The following LINGO2 variants were observed in gnomAD, a reference collection of about 807,000 sequenced individuals.
LINGO2 encodes leucine rich repeat and Ig domain containing 2, also known as leucine-rich repeat and immunoglobulin-like domain-containing nogo receptor-interacting protein 2.
LINGO2 carries 14 observed loss-of-function variants against 30.6 expected under a neutral mutation model. The ratio of observed to expected loss-of-function variants is 0.46; its 90% CI spans 0.30 to 0.72. LINGO2 has a LOEUF of 0.72. LINGO2 is among the 30% of genes least tolerant of loss of function. The pLI, the probability that LINGO2 is intolerant of heterozygous loss-of-function variation, is 0.07. For synonymous variants in LINGO2, 317 were observed against 288.5 expected (o/e 1.10, Z -1.00); for missense variants, 729 against 751.7 (o/e 0.97, Z 0.35).
rs192226608 is a variant in LINGO2, at chr9:28,411,591, C to G, written c.-278-38723G>C. On this transcript the variant is annotated intron_variant, in intron 2 of 5. Transcript: ENST00000379992. ...TACCTCATATAAGTTGTTGCATAAA[C>G]CATAATTACCTTCCTTTTTGTAGCC... Among the ~76,000 whole-genome samples the G allele has an allele frequency of 4.3e-3, 661 of 152,202 alleles. 22 individuals carry two copies. Among genetic ancestry groups the G allele is most frequent in the Admixed American group, 0.04 (606 of 15,250 alleles).
At chr9:28,861,772 A>C in the LINGO2 span, among the ~76,000 whole-genome samples, 7 of 151,900 alleles carry the variant, frequency 4.6e-5, no homozygotes, top group Non-Finnish European at 7.4e-5. Context: ...TTACCAAAAA[A>C]CACAAAACCT....
At chr9:28,318,054 C>A (rs1333712606) in intron 3 of LINGO2, among the ~76,000 whole-genome samples, 1 of 152,182 alleles carries the variant, frequency 6.6e-6, no homozygotes, top group African/African-American at 2.4e-5. Flanking sequence ...TGAGTTGAAA[C>A]AGGTACCTGG....
At chr9:28,757,489 C>T in the LINGO2 span, among the ~76,000 whole-genome samples, 2 of 151,900 alleles carry the variant, frequency 1.3e-5, no homozygotes, top group Admixed American at 1.3e-4. Context: ...GGTAACTTGA[C>T]CCCCCTAAGA....
chr9:28,058,965 T>C (rs1825052783), intron 4 of LINGO2, among the ~76,000 whole-genome samples: 1 of 152,184 alleles, frequency 6.6e-6, no homozygotes, highest in Admixed American at 6.6e-5. Flanking sequence ...TCACATTTTA[T>C]TTCCTGTTAT....
At chr9:28,968,682 G>C in the LINGO2 span, among the ~76,000 whole-genome samples, 353 of 152,184 alleles carry the variant, frequency 2.3e-3, 4 homozygotes, top group African/African-American at 7.9e-3. Context: ...GATCTCAGAA[G>C]TCCTTTTTTA....
chr9:28,204,280 T>C (rs1320723010), intron 4 of LINGO2, among the ~76,000 whole-genome samples: 1 of 152,154 alleles, frequency 6.6e-6, no homozygotes, highest in African/African-American at 2.4e-5. Flanking sequence ...TCTTATTTTA[T>C]TATACGTATT....
At chr9:29,074,884 G>T in the LINGO2 span, among the ~76,000 whole-genome samples, 23 of 151,264 alleles carry the variant, frequency 1.5e-4, no homozygotes, top group Non-Finnish European at 2.1e-4. Flanking sequence ...CACTGTGTTA[G>T]CCAGGATGGT....
chr9:29,164,286 A>T, the LINGO2 span, among the ~76,000 whole-genome samples: 2 of 152,142 alleles, frequency 1.3e-5, no homozygotes, highest in African/African-American at 2.4e-5. Context: ...AAGATTCGTG[A>T]GCAACACAAG....
At chr9:28,756,342 C>A in the LINGO2 span, among the ~76,000 whole-genome samples, 1 of 151,908 alleles carries the variant, frequency 6.6e-6, no homozygotes, top group African/African-American at 2.4e-5. Context: ...ATGCCTGTAC[C>A]CTCAATGTGT....
chr9:28,044,459 A>T (rs1442040814), intron 4 of LINGO2, among the ~76,000 whole-genome samples: 2 of 152,172 alleles, frequency 1.3e-5, no homozygotes, highest in Non-Finnish European at 2.9e-5. Context: ...CTCAAAACAG[A>T]CTTTCCTAAG....
At chr9:28,221,132 T>C (rs1446867373) in intron 4 of LINGO2, among the ~76,000 whole-genome samples, 2 of 151,792 alleles carry the variant, frequency 1.3e-5, no homozygotes, top group East Asian at 3.9e-4. Context: ...ACCCCGTCTC[T>C]AATAAAAATA....
chr9:28,430,109 C>CGTGTGTGT lies in LINGO2; in HGVS notation c.-279+45823_-279+45830dup, dbSNP rs55989705. 3.9e-3 allele frequency among the ~76,000 whole-genome samples: 529 copies of CGTGTGTGT among 136,200 alleles called. 1 individual carries two copies. Among genetic ancestry groups the CGTGTGTGT allele is most frequent in the East Asian group, 6.0e-3 (29 of 4,830 alleles). 89.4% of individuals were successfully genotyped at this position (136,200 alleles called of 152,430 possible). Reference sequence around the variant, plus strand: ...AGGCTGATTTCCACGCGCGCGCGCGCGTGTGTGTGTGTGTGTGTGTGATTC... The same window carrying CGTGTGTGT: ...AGGCTGATTTCCACGCGCGCGCGCGCGTGTGTGTGTGTGTGTGTGTGTGTGTGTGATTC... On this transcript the variant is annotated intron_variant, in intron 2 of 5. Coordinates refer to ENST00000379992, the Ensembl canonical transcript of LINGO2.
chr9:28,224,348 G>T (rs1024856732), intron 4 of LINGO2, among the ~76,000 whole-genome samples: 1 of 152,174 alleles, frequency 6.6e-6, no homozygotes, highest in Non-Finnish European at 1.5e-5. Flanking sequence ...ACAGGCGTGA[G>T]CCACCGCACC....
chr9:27,957,121 AAAAT>A (rs1455706090), intron 5 of LINGO2, among the ~76,000 whole-genome samples: 3 of 152,120 alleles, frequency 2.0e-5, no homozygotes, highest in South Asian at 2.1e-4. Flanking sequence ...AACAAAAATA[AAAAT>A]AAATACTTTC....
chr9:29,138,554 G>A, the LINGO2 span, among the ~76,000 whole-genome samples: 1 of 152,070 alleles, frequency 6.6e-6, no homozygotes, highest in Non-Finnish European at 1.5e-5. Flanking sequence ...TGTGTATGAG[G>A]TAGTCATTCC....
chr9:29,140,791 T>C, the LINGO2 span, among the ~76,000 whole-genome samples: 1 of 151,926 alleles, frequency 6.6e-6, no homozygotes, highest in South Asian at 2.1e-4. Context: ...AAATTGACTC[T>C]TCACATATAA....
chr9:28,696,036 C>T, the LINGO2 span, among the ~76,000 whole-genome samples: 1 of 151,726 alleles, frequency 6.6e-6, no homozygotes, highest in African/African-American at 2.4e-5. Flanking sequence ...TACTTTTTCC[C>T]CTCAGTTGTG....
the LINGO2 span, among the ~76,000 whole-genome samples, chr9:29,108,664 C>T: frequency 6.6e-6 from 1 of 152,108 alleles, no homozygotes; most frequent in Non-Finnish European, 1.5e-5. Context: ...GATAAGGTGG[C>T]ATTTAGAGGT....
At chr9:28,375,782 G>C (rs1821107529) in intron 2 of LINGO2, among the ~76,000 whole-genome samples, 1 of 152,188 alleles carries the variant, frequency 6.6e-6, no homozygotes, top group Non-Finnish European at 1.5e-5. Context: ...TGCATTTCCT[G>C]TTCACAAAAG....
Sources: gnomAD v4.1 joint callset for allele counts (sites outside exome capture counted in the v4.1 genomes callset) on GRCh38, gnomAD v4.1.1 for gene constraint, MANE v1.5 for transcripts, NCBI Gene and HGNC (gene_info 2026-07-23, HGNC 2026-07-21) for gene names.